HYAL4: variants seen among roughly 807,000 people sequenced by gnomAD.
The protein encoded by HYAL4 is hyaluronidase-4.
HYAL4 carries 37 observed loss-of-function variants against 35.2 expected under a neutral mutation model. The observed-to-expected ratio is 1.05, with a 90% CI of 0.81 to 1.38. The LOEUF (loss-of-function observed/expected upper bound fraction) is 1.38, where lower values mean the gene tolerates loss of function less well. HYAL4 is among the 40% of genes most tolerant of loss of function. HYAL4 has a pLI of 0.00. For synonymous variants in HYAL4, 198 were observed against 203.2 expected, an observed-to-expected ratio of 0.97 and a Z score of 0.22; for missense variants, 572 against 572.4, an observed-to-expected ratio of 1.00 and a Z score of 0.01.
At chr7:123,797,660 C>T in the HYAL4 span, among the ~76,000 whole-genome samples, 2 of 152,308 alleles carry the variant, frequency 1.3e-5, no homozygotes, top group East Asian at 3.9e-4. Context: ...ACACTAAGGC[C>T]TGGGCCTAGC....
chr7:123,790,707 A>C, the HYAL4 span: 2 of 151,636 alleles, frequency 1.3e-5, no homozygotes, highest in African/African-American at 4.8e-5. Context: ...TGCCGAAGCG[A>C]GCACCAAAGA....
At chr7:123,875,206 T>C (rs548365819) in intron 4 of HYAL4, among the ~76,000 whole-genome samples, 1 of 152,260 alleles carries the variant, frequency 6.6e-6, no homozygotes, top group East Asian at 1.9e-4. Flanking sequence ...AGTGGTAGAG[T>C]TGGCATTAGC....
At chr7:123,871,493 C>T (rs763755050) in intron 3 of HYAL4, among the ~76,000 whole-genome samples, 20 of 151,980 alleles carry the variant, frequency 1.3e-4, no homozygotes, top group Non-Finnish European at 2.2e-4. Context: ...CGCCCGGCCC[C>T]GCCCATAATT....
At chr7:123,771,760 T>C in the HYAL4 span, among the ~76,000 whole-genome samples, 1 of 151,894 alleles carries the variant, frequency 6.6e-6, no homozygotes. Context: ...TGGATGAGAT[T>C]AGCGTTTGTT....
the HYAL4 span, among the ~76,000 whole-genome samples, chr7:123,818,871 A>G: frequency 6.6e-6 from 1 of 152,308 alleles, no homozygotes; most frequent in Admixed American, 6.5e-5. Flanking sequence ...TGAGGTACAT[A>G]TACATTGCAG....
the HYAL4 span, among the ~76,000 whole-genome samples, chr7:123,782,213 G>A: frequency 6.6e-6 from 1 of 152,082 alleles, no homozygotes; most frequent in African/African-American, 2.4e-5. Context: ...AGTATTTTTG[G>A]TGGGGTAGAC....
the HYAL4 span, among the ~76,000 whole-genome samples, chr7:123,795,782 C>T: frequency 2.2e-4 from 34 of 152,202 alleles, no homozygotes; most frequent in African/African-American, 3.9e-4. Flanking sequence ...ATCAATGAAA[C>T]ATATGAAGTT....
chr7:123,876,013 C>A (rs1231858972), intron 4 of HYAL4: 1 of 456,598 alleles, frequency 2.2e-6, no homozygotes, highest in Non-Finnish European at 4.4e-6. Context: ...AGGATTAATT[C>A]CTGACTTTCC....
the HYAL4 span, among the ~76,000 whole-genome samples, chr7:123,782,206 A>G: frequency 1.3e-5 from 2 of 152,190 alleles, no homozygotes; most frequent in Non-Finnish European, 2.9e-5. Flanking sequence ...TGATCCTAGT[A>G]TTTTTGGTGG....
chr7:123,854,624 G>A (rs976804019), intron 2 of HYAL4, among the ~76,000 whole-genome samples: 6 of 152,160 alleles, frequency 3.9e-5, no homozygotes, highest in African/African-American at 1.4e-4. Flanking sequence ...ATTTGCTGAG[G>A]AATGTTTTAC....
the HYAL4 span, among the ~76,000 whole-genome samples, chr7:123,811,747 G>C: frequency 6.6e-6 from 1 of 151,946 alleles, no homozygotes; most frequent in African/African-American, 2.4e-5. Flanking sequence ...AAAGTCATCT[G>C]CTTGTCTAAG....
At position 123,877,119 on chromosome 7, in the gene HYAL4, A is replaced by C; in HGVS notation, c.1410A>C (p.Leu470=). 6.2e-7 allele frequency: 1 copy of C among 1,614,130 alleles called. No individual in the cohort carries two copies. The highest frequency in any genetic ancestry group is 8.5e-7 in the Non-Finnish European group (1 of 1,179,984). The change falls in exon 5 of 5, where the codon CTA becomes CTC. Residue 470 remains leucine, a synonymous_variant. Transcript: ENST00000223026. The part of the protein sequence containing the change: ...PSPGSLMTLC[L]LLLASYRSIQ... ...CTGGTTCACTAATGACACTTTGTCT[A>C]CTGCTTTTAGCAAGTTATCGAAGCA...
upstream of HYAL4, among the ~76,000 whole-genome samples, chr7:123,827,156 A>G (rs1037067614): frequency 6.6e-6 from 1 of 152,146 alleles, no homozygotes. Flanking sequence ...TAGTACAGCT[A>G]TAGAAGAGAA....
At chr7:123,802,797 T>TGTA in the HYAL4 span, among the ~76,000 whole-genome samples, 1 of 152,222 alleles carries the variant, frequency 6.6e-6, no homozygotes, top group Non-Finnish European at 1.5e-5. Context: ...TTTAAAAAGA[T>TGTA]GTAGTACCAT....
At chr7:123,800,655 T>C in the HYAL4 span, among the ~76,000 whole-genome samples, 6 of 139,506 alleles carry the variant, frequency 4.3e-5, no homozygotes, top group Admixed American at 2.1e-4. Flanking sequence ...TTTTTCTCTC[T>C]TTTTTTTTTG....
chr7:123,859,606 G>A, intron 2 of HYAL4, among the ~76,000 whole-genome samples: 1 of 152,044 alleles, frequency 6.6e-6, no homozygotes, highest in East Asian at 1.9e-4. Flanking sequence ...GGATGTTCTT[G>A]TCAGATTGCA....
upstream of HYAL4, among the ~76,000 whole-genome samples, chr7:123,827,650 C>T (rs970318011): frequency 6.6e-6 from 1 of 152,114 alleles, no homozygotes; most frequent in Non-Finnish European, 1.5e-5. Context: ...ATATTGCTTA[C>T]ATGATCTTCA....
chr7:123,874,905 G>A (rs923283540), intron 4 of HYAL4, 55 bp downstream of exon 4: 73 of 1,059,834 alleles, frequency 6.9e-5, no homozygotes, highest in Middle Eastern at 2.2e-4. Context: ...GTATTTCTCT[G>A]CTTTCTTGGA....
At chr7:123,795,261 G>A in the HYAL4 span, among the ~76,000 whole-genome samples, 1 of 152,148 alleles carries the variant, frequency 6.6e-6, no homozygotes, top group African/African-American at 2.4e-5. Flanking sequence ...TAAGCAGAAG[G>A]GACTTGCTTG....
Sources: gnomAD v4.1 joint callset for allele counts (sites outside exome capture counted in the v4.1 genomes callset) on GRCh38, gnomAD v4.1.1 for gene constraint, MANE v1.5 for transcripts, NCBI Gene and HGNC (gene_info 2026-07-23, HGNC 2026-07-21) for gene names.